KLHDC8A: variants seen among roughly 807,000 people sequenced by gnomAD.
The protein encoded by KLHDC8A is kelch domain containing 8A.
KLHDC8A carries 21 observed loss-of-function variants against 33.1 expected under a neutral mutation model. That is an observed-to-expected ratio of 0.64 (90% CI 0.45 to 0.91). The LOEUF is 0.91. KLHDC8A is among the 40% of genes least tolerant of loss of function. The pLI is 0.00. For synonymous variants in KLHDC8A, 173 were observed against 193.5 expected (o/e 0.89, Z 0.88); for missense variants, 435 against 483.3 (o/e 0.90, Z 0.94).
Position 205,339,463 on chromosome 1 carries a change from C to T in KLHDC8A, c.542-54G>A, listed in dbSNP as rs1105388. 0.28 allele frequency: 426,591 copies of T among 1,532,604 alleles called. 62,386 individuals carry two copies. The highest frequency in any genetic ancestry group is 0.3 in the Non-Finnish European group (336,291 of 1,114,534). The allele number at this position is 1,532,604 out of a possible 1,614,324, so 94.9% of individuals were successfully genotyped here. A position where few individuals can be genotyped will look rare whatever the true frequency, so the allele number is the denominator to read the frequency against. On this transcript the variant is annotated intron_variant, in intron 3 of 5. Transcript: ENST00000367155. This position sits in a 1 kb window ranked among gnomAD's most constrained non-coding sequence, Gnocchi z 5.1. ...GCAGAAGGGTTGTCCCTGAGGACAGCGACAGTGAAAAGGGTTTCCCCTTTT... is the reference window on the plus strand; with the variant it reads ...GCAGAAGGGTTGTCCCTGAGGACAGTGACAGTGAAAAGGGTTTCCCCTTTT...
At chr1:205,350,402 C>A (rs544225352) in intron 1 of KLHDC8A, among the ~76,000 whole-genome samples, 6 of 152,116 alleles carry the variant, frequency 3.9e-5, no homozygotes, top group Non-Finnish European at 5.9e-5. Flanking sequence ...CAGGTCATCC[C>A]GACATGGCTC....
At position 205,356,922 on chromosome 1, in the gene KLHDC8A, C is replaced by G. The variant is rs939564542; in HGVS notation, c.-579G>C. On this transcript the variant is annotated 5_prime_UTR_variant, in exon 1 of 6. Transcript: ENST00000367155. ...GTCTCAGCTGCAAAGGCCCGCTCTG[C>G]GAGGAGAGCGGGTGAGGGGGCGGAC... is the stretch of plus-strand genomic sequence containing the variant. 5.3e-6 allele frequency: 1 copy of G among 189,224 alleles called. No individual in the cohort carries two copies. Among genetic ancestry groups the G allele is most frequent in the Non-Finnish European group, 1.1e-5 (1 of 90,288 alleles). The allele number at this position is 189,224 out of a possible 1,614,324, so 11.7% of individuals were successfully genotyped here. A position where few individuals can be genotyped will look rare whatever the true frequency, so the allele number is the denominator to read the frequency against.
At chr1:205,341,209 C>T (rs1662779994) in intron 2 of KLHDC8A, among the ~76,000 whole-genome samples, 2 of 152,152 alleles carry the variant, frequency 1.3e-5, no homozygotes, top group South Asian at 4.1e-4. Flanking sequence ...ACCCCAGGAC[C>T]TCCCAGGCCT....
At chr1:205,344,012 G>A (rs549026538) in intron 1 of KLHDC8A, 198 of 164,942 alleles carry the variant, frequency 1.2e-3, no homozygotes, top group African/African-American at 4.2e-3. Context: ...GGGCTTTCAG[G>A]GGTTCGGGGT....
chr1:205,355,474 C>A (rs1449599884), intron 1 of KLHDC8A, among the ~76,000 whole-genome samples: 1 of 152,128 alleles, frequency 6.6e-6, no homozygotes, highest in Admixed American at 6.5e-5. Flanking sequence ...ATGATAATAA[C>A]CACCACTCAT....
chr1:205,355,594 T>A (rs112683168), intron 1 of KLHDC8A, among the ~76,000 whole-genome samples: 192 of 152,326 alleles, frequency 1.3e-3, no homozygotes, highest in African/African-American at 4.2e-3. Flanking sequence ...GTGCTCAATA[T>A]GCGTCATGAA....
chr1:205,343,781 TC>T lies in KLHDC8A; in HGVS notation c.-178del. On this transcript the variant is annotated 5_prime_UTR_variant, in exon 2 of 6. It introduces an in-frame stop codon into an upstream open reading frame of the 5' UTR. Transcript: ENST00000367155. The stretch of plus-strand genomic sequence containing the variant: ...CCCGAGTCTCAGCGGTCCGGCGGCG[TC>T]CACGCCTGGCCCTGCGGGGGGAACG... The T allele has an allele frequency of 1.5e-6, 1 of 685,834 alleles. No homozygotes were observed. Among genetic ancestry groups the T allele is most frequent in the Non-Finnish European group, 2.3e-6 (1 of 436,758 alleles). 42.5% of individuals were successfully genotyped at this position (685,834 alleles called of 1,614,324 possible).
chr1:205,354,896 T>C (rs941028271), intron 1 of KLHDC8A, among the ~76,000 whole-genome samples: 2 of 152,236 alleles, frequency 1.3e-5, no homozygotes, highest in Admixed American at 1.3e-4. Context: ...TTGATTCCTT[T>C]GGATATTTCC....
intron 1 of KLHDC8A, among the ~76,000 whole-genome samples, chr1:205,349,709 C>T (rs1222584736): frequency 6.6e-6 from 1 of 152,170 alleles, no homozygotes; most frequent in Non-Finnish European, 1.5e-5. Flanking sequence ...AATTTCCTGA[C>T]CAGCAATGTC....
intron 2 of KLHDC8A, among the ~76,000 whole-genome samples, chr1:205,341,989 T>C (rs1035266722): frequency 1.3e-5 from 2 of 152,194 alleles, no homozygotes; most frequent in Non-Finnish European, 2.9e-5. Context: ...CGTTGAGAAT[T>C]TGTTAAATCT....
Position 205,339,128 on chromosome 1 carries a change from G to C in KLHDC8A, c.757+66C>G. The C allele has an allele frequency of 7.3e-7, 1 of 1,376,902 alleles. No individual in the cohort carries two copies. Among genetic ancestry groups the C allele is most frequent in the Non-Finnish European group, 1.0e-6 (1 of 976,922 alleles). 85.3% of individuals were successfully genotyped at this position (1,376,902 alleles called of 1,614,324 possible). On this transcript the variant is annotated intron_variant, in intron 4 of 5. Transcript: ENST00000367155. The surrounding 1 kb of genome is among the most constrained non-coding windows in gnomAD (Gnocchi z 5.1). ...TGGAAGATGGCTGGAATAGGGGTAA[G>C]GGATGGGGAGCCAGCCAGAAGGGCA...
At chr1:205,349,855 C>T (rs913722) in intron 1 of KLHDC8A, among the ~76,000 whole-genome samples, 86,582 of 151,880 alleles carry the variant, frequency 0.57, 25,108 homozygotes, top group South Asian at 0.71. Context: ...AAGGCTATGA[C>T]CTCCAGCCTA....
chr1:205,348,867 A>AG (rs1663018359), intron 1 of KLHDC8A, among the ~76,000 whole-genome samples: 2 of 152,164 alleles, frequency 1.3e-5, no homozygotes, highest in African/African-American at 2.4e-5. Flanking sequence ...TCTCCTAGCT[A>AG]GCTGAAATCT....
intron 1 of KLHDC8A, among the ~76,000 whole-genome samples, chr1:205,345,022 T>C (rs926055630): frequency 7.9e-5 from 12 of 152,138 alleles, no homozygotes; most frequent in Non-Finnish European, 1.6e-4. Flanking sequence ...AAACAATCCT[T>C]GCAAGCCACT....
At chr1:205,350,829 A>ATGCG (rs1553384989) in intron 1 of KLHDC8A, among the ~76,000 whole-genome samples, 8 of 37,992 alleles carry the variant, frequency 2.1e-4, no homozygotes, top group Non-Finnish European at 5.4e-4. Context: ...GTGTGCATGC[A>ATGCG]TGTGTGTGCG....
At chr1:205,343,152 C>A (rs7549293) in intron 2 of KLHDC8A, 77 bp downstream of exon 2, 2 of 1,513,790 alleles carry the variant, frequency 1.3e-6, no homozygotes, top group South Asian at 1.3e-5. Context: ...CAGCAAATGC[C>A]TGTTGGTTTC....
rs1264241759 is a variant in KLHDC8A at position 205,356,675 on chromosome 1, G to C, written c.-332C>G. 1.1e-5 allele frequency: 5 copies of C among 442,724 alleles called. No homozygotes were observed. Among genetic ancestry groups the C allele is most frequent in the African/African-American group, 1.0e-4 (5 of 49,754 alleles). The allele number at this position is 442,724 out of a possible 1,614,324, so 27.4% of individuals were successfully genotyped here. ...GGAATAGAGTCGGCAAGGTCCCCAG[G>C]GTCCCCAGGGCTTCCTCCACAATTG... On this transcript the variant is annotated 5_prime_UTR_variant, in exon 1 of 6. Coordinates refer to ENST00000367155, the MANE Select transcript of KLHDC8A (RefSeq NM_018203.3).
rs59261635 is a variant in KLHDC8A at position 205,341,657 on chromosome 1, CTT to C, written c.376+1570_376+1571del. ...TACTGAATAATCTTTGTTTCTTTTT[CTT>C]TTTTTTTTTGATACGGAGTCTTGCT... On this transcript the variant is annotated intron_variant, in intron 2 of 5. Coordinates refer to ENST00000367155, the MANE Select transcript of KLHDC8A (RefSeq NM_018203.3). 6.0e-4 allele frequency among the ~76,000 whole-genome samples: 89 copies of C among 147,904 alleles called. No homozygotes were observed. In the East Asian group the frequency reaches 0.011, roughly 18 times the overall value.
chr1:205,338,699 T>C, intron 4 of KLHDC8A, 103 bp from the exon 5 acceptor site: 1 of 850,298 alleles, frequency 1.2e-6, no homozygotes, highest in Non-Finnish European at 1.9e-6. Flanking sequence ...CTGGGCAGTG[T>C]CTTCACTCTA....
Sources: allele counts gnomAD v4.1 joint callset (sites outside exome capture counted in the v4.1 genomes callset), GRCh38; gene constraint gnomAD v4.1.1; non-coding constraint Gnocchi (gnomAD v3.1); transcripts MANE v1.5; gene names NCBI Gene and HGNC (gene_info 2026-07-23, HGNC 2026-07-21).